Variants in CADM2 observed in about 807,000 individuals in gnomAD.
CADM2 encodes cell adhesion molecule 2.
A neutral mutation model predicts 49.8 loss-of-function variants in CADM2; 12 were observed. That is an observed-to-expected ratio of 0.24 (90% CI 0.15 to 0.39). The LOEUF (loss-of-function observed/expected upper bound fraction) is 0.39, where lower values mean the gene tolerates loss of function less well. CADM2 is among the 10% of genes least tolerant of loss of function. The pLI, the probability that CADM2 is intolerant of heterozygous loss-of-function variation, is 1.00. For synonymous variants in CADM2, 214 were observed against 175.4 expected (o/e 1.22, Z -1.74); for missense variants, 378 against 492.3 (o/e 0.77, Z 2.20).
intron 1 of CADM2, among the ~76,000 whole-genome samples, chr3:85,565,717 G>T (rs2062235970): frequency 6.6e-6 from 1 of 152,052 alleles, no homozygotes; most frequent in South Asian, 2.1e-4. Flanking sequence ...TAAGCTGTAA[G>T]ATAGGGAAAA....
chr3:85,457,777 A>C (rs2038059678), intron 1 of CADM2, among the ~76,000 whole-genome samples: 1 of 152,158 alleles, frequency 6.6e-6, no homozygotes, highest in African/African-American at 2.4e-5. Flanking sequence ...GCAAAGGATG[A>C]CTTCTAAATT....
intron 1 of CADM2, among the ~76,000 whole-genome samples, chr3:85,599,192 T>C (rs1012699080): frequency 1.6e-4 from 25 of 152,178 alleles, no homozygotes; most frequent in African/African-American, 5.8e-4. Flanking sequence ...CCTATTCATT[T>C]TCTTTTACCC....
intron 1 of CADM2, among the ~76,000 whole-genome samples, chr3:85,701,351 A>G (rs565184563): frequency 6.6e-6 from 1 of 152,318 alleles, no homozygotes; most frequent in South Asian, 2.1e-4. Flanking sequence ...ACACAGATCC[A>G]AACCATATCA....
intron 8 of CADM2, 64 bp downstream of exon 8, chr3:85,961,711 T>G: frequency 2.4e-6 from 3 of 1,256,784 alleles, no homozygotes; most frequent in Non-Finnish European, 3.2e-6. Context: ...TATTTAAATA[T>G]ATCAGAATTT....
chr3:85,360,199 C>T (rs1576416139), intron 1 of CADM2, among the ~76,000 whole-genome samples: 1 of 151,898 alleles, frequency 6.6e-6, no homozygotes, highest in Non-Finnish European at 1.5e-5. Flanking sequence ...CATTGAAAAC[C>T]ATTAGCAAGC....
chr3:85,592,602 A>G (rs1317730243), intron 1 of CADM2, among the ~76,000 whole-genome samples: 1 of 151,970 alleles, frequency 6.6e-6, no homozygotes, highest in Non-Finnish European at 1.5e-5. Flanking sequence ...GGAAACAAGA[A>G]AAAGCATATA....
chr3:85,790,896 G>A (rs1349595999), intron 2 of CADM2, among the ~76,000 whole-genome samples: 3 of 152,150 alleles, frequency 2.0e-5, no homozygotes, highest in Non-Finnish European at 4.4e-5. Flanking sequence ...TGATGGCCAT[G>A]CTCCACAGTG....
intron 1 of CADM2, among the ~76,000 whole-genome samples, chr3:85,491,513 A>G (rs1289490623): frequency 1.3e-5 from 2 of 152,148 alleles, no homozygotes; most frequent in Non-Finnish European, 2.9e-5. Flanking sequence ...AGCGTATATG[A>G]CATAAATAAC....
chr3:85,121,727 T>C (rs919717818), intron 1 of CADM2, among the ~76,000 whole-genome samples: 1 of 152,156 alleles, frequency 6.6e-6, no homozygotes, highest in Non-Finnish European at 1.5e-5. Flanking sequence ...ATCAGTAATA[T>C]TACCTATCTT....
intron 1 of CADM2, among the ~76,000 whole-genome samples, chr3:85,587,321 G>GA (rs1433204734): frequency 6.6e-6 from 1 of 152,044 alleles, no homozygotes; most frequent in Non-Finnish European, 1.5e-5. Flanking sequence ...GAGCAAACAA[G>GA]AAAAATCTTA....
intron 8 of CADM2, among the ~76,000 whole-genome samples, chr3:85,987,576 A>G (rs1728262924): frequency 6.8e-6 from 1 of 147,848 alleles, no homozygotes; most frequent in Non-Finnish European, 1.5e-5. Flanking sequence ...TATAATATAC[A>G]TGTTAAAATA....
intron 1 of CADM2, among the ~76,000 whole-genome samples, chr3:85,603,681 G>C (rs2063478746): frequency 6.6e-6 from 1 of 151,778 alleles, no homozygotes; most frequent in Non-Finnish European, 1.5e-5. Context: ...CTCTGTACTT[G>C]GTAGAGATCT....
At chr3:86,023,832 C>T (rs1323158079) in intron 8 of CADM2, among the ~76,000 whole-genome samples, 1 of 152,090 alleles carries the variant, frequency 6.6e-6, no homozygotes, top group African/African-American at 2.4e-5. Context: ...TAACTTCAGC[C>T]CCAATCTTCA....
chr3:85,735,713 A>G (rs1258125576), intron 2 of CADM2, among the ~76,000 whole-genome samples: 1 of 152,122 alleles, frequency 6.6e-6, no homozygotes, highest in Non-Finnish European at 1.5e-5. Flanking sequence ...GTAGGACATG[A>G]TATAGAGAAT....
intron 2 of CADM2, among the ~76,000 whole-genome samples, chr3:85,745,881 A>G (rs1295945022): frequency 2.0e-5 from 3 of 151,614 alleles, no homozygotes; most frequent in South Asian, 2.1e-4. Context: ...TCTTTTGCCT[A>G]TGTTTTTTTT....
At chr3:85,156,094 G>A (rs2040109389) in intron 1 of CADM2, among the ~76,000 whole-genome samples, 1 of 152,072 alleles carries the variant, frequency 6.6e-6, no homozygotes, top group Non-Finnish European at 1.5e-5. Context: ...ACATTCAAAA[G>A]CTAGCAGAAG....
At chr3:85,245,489 C>G (rs927757067) in intron 1 of CADM2, among the ~76,000 whole-genome samples, 1 of 148,962 alleles carries the variant, frequency 6.7e-6, no homozygotes, top group African/African-American at 2.5e-5. Flanking sequence ...TCCAGCCTGG[C>G]GACAGATTGA....
chr3:85,392,466 TA>T (rs1480107728), intron 1 of CADM2, among the ~76,000 whole-genome samples: 1 of 152,124 alleles, frequency 6.6e-6, no homozygotes, highest in Non-Finnish European at 1.5e-5. Flanking sequence ...AAAATAAATT[TA>T]ATTTGTTTTC....
At position 85,883,348 on chromosome 3, in the gene CADM2, G is replaced by GTGTCAGT. The variant is rs1713095010; in HGVS notation, c.297_303dup (p.Asp102CysfsTer3). The GTGTCAGT allele has an allele frequency of 6.2e-7, 1 of 1,613,694 alleles. No homozygotes were observed. The highest frequency in any genetic ancestry group is 1.3e-5 in the African/African-American group (1 of 74,884). ...GCTTCCTGGCATGAATTGAGTATTAGTGTCAGTGATGTGTCTCTCTCTGAT... is the reference window on the plus strand; with the variant it reads ...GCTTCCTGGCATGAATTGAGTATTAGTGTCAGTTGTCAGTGATGTGTCTCTCTCTGAT... On this transcript the variant is annotated frameshift_variant, in exon 4 of 10. Transcript: ENST00000383699. LOFTEE classifies it high-confidence loss of function.
Sources: gnomAD v4.1 joint callset for allele counts (sites outside exome capture counted in the v4.1 genomes callset) on GRCh38, gnomAD v4.1.1 for gene constraint, MANE v1.5 for transcripts, NCBI Gene and HGNC (gene_info 2026-07-23, HGNC 2026-07-21) for gene names.